Variants in DOCK2 observed in about 807,000 individuals in gnomAD.
DOCK2 encodes dedicator of cytokinesis protein 2.
A neutral mutation model predicts 248.9 loss-of-function variants in DOCK2; 87 were observed. That is an observed-to-expected ratio of 0.35 (90% CI 0.29 to 0.42). The LOEUF (loss-of-function observed/expected upper bound fraction) is 0.42, where lower values mean the gene tolerates loss of function less well. Ranked by LOEUF, DOCK2 falls within the 10% of genes least tolerant of loss-of-function variation. The pLI, the probability that DOCK2 is intolerant of heterozygous loss-of-function variation, is 1.00. For synonymous variants in DOCK2, 805 were observed against 821.6 expected (o/e 0.98, Z 0.35); for missense variants, 1,747 against 2,300.2 (o/e 0.76, Z 4.92).
At chr5:169,808,405 T>C (rs1402515377) in intron 26 of DOCK2, among the ~76,000 whole-genome samples, 1 of 152,076 alleles carries the variant, frequency 6.6e-6, no homozygotes, top group Non-Finnish European at 1.5e-5. Flanking sequence ...CCTTATTCTT[T>C]GAAACCCTGG....
intron 1 of DOCK2, among the ~76,000 whole-genome samples, chr5:169,639,619 G>T (rs939197002): frequency 2.0e-5 from 3 of 152,188 alleles, no homozygotes; most frequent in Admixed American, 6.5e-5. Context: ...CAAAAAGGAT[G>T]CAGGGAAAAA....
At chr5:169,855,160 TGTG>T (rs1770822255) in intron 27 of DOCK2, among the ~76,000 whole-genome samples, 1 of 152,066 alleles carries the variant, frequency 6.6e-6, no homozygotes, top group South Asian at 2.1e-4. Flanking sequence ...TAAACTACCT[TGTG>T]GTAATTTTTT....
intron 7 of DOCK2, 49 bp downstream of exon 7, chr5:169,681,928 C>T (rs200816839): frequency 6.7e-5 from 107 of 1,599,626 alleles, no homozygotes; most frequent in Non-Finnish European, 8.9e-5. Flanking sequence ...TCATTTAGCA[C>T]ATCATAAACT....
At chr5:169,734,395 G>A (rs1445914890) in intron 22 of DOCK2, among the ~76,000 whole-genome samples, 1 of 151,748 alleles carries the variant, frequency 6.6e-6, no homozygotes, top group Non-Finnish European at 1.5e-5. Context: ...CTCTGTTTTG[G>A]GTGACCCTGC....
chr5:169,849,413 T>C (rs1770500938), intron 27 of DOCK2, among the ~76,000 whole-genome samples: 1 of 152,186 alleles, frequency 6.6e-6, no homozygotes, highest in Non-Finnish European at 1.5e-5. Flanking sequence ...TGTACACTCC[T>C]AAGCGATGAA....
At chr5:169,949,226 T>C (rs949921217) in intron 27 of DOCK2, among the ~76,000 whole-genome samples, 7 of 152,230 alleles carry the variant, frequency 4.6e-5, no homozygotes, top group African/African-American at 1.7e-4. Flanking sequence ...GCACGACTAC[T>C]ATGTGCAGAA....
intron 14 of DOCK2, 109 bp from the exon 15 acceptor site, chr5:169,708,060 G>A (rs1761372334): frequency 1.1e-5 from 12 of 1,074,590 alleles, no homozygotes; most frequent in Admixed American, 2.1e-5. Flanking sequence ...AGGGAAGGCA[G>A]GGTTGGCCCA....
intron 22 of DOCK2, among the ~76,000 whole-genome samples, chr5:169,746,366 G>A (rs1051696763): frequency 6.6e-6 from 1 of 152,216 alleles, no homozygotes; most frequent in Non-Finnish European, 1.5e-5. Flanking sequence ...TGAGGGGGCT[G>A]TGACTGGCTG....
rs1309741197 is a variant in DOCK2 at position 169,788,298 on chromosome 5, G to A, written c.2555-14760G>A. On this transcript the variant is annotated intron_variant, in intron 25 of 51. Transcript: ENST00000520908. ...TACTTTTTCACATGAATAGAGAAACGGAAGTGCCATGGAGGGACAAGCACA... is the reference window on the plus strand; with the variant it reads ...TACTTTTTCACATGAATAGAGAAACAGAAGTGCCATGGAGGGACAAGCACA... Among the ~76,000 whole-genome samples, 6 of 152,048 alleles carry A rather than the reference G, an allele frequency of 3.9e-5. No homozygotes were observed. The South Asian group carries it at 8.3e-4, about 21-fold the overall frequency.
chr5:169,840,466 T>C (rs1222342178), intron 26 of DOCK2, among the ~76,000 whole-genome samples: 2 of 152,136 alleles, frequency 1.3e-5, no homozygotes, highest in South Asian at 2.1e-4. Context: ...TCAGAGCTAG[T>C]ATTCTAGCTC....
chr5:169,839,075 T>C (rs1350837652), intron 26 of DOCK2, among the ~76,000 whole-genome samples: 1 of 152,190 alleles, frequency 6.6e-6, no homozygotes, highest in Non-Finnish European at 1.5e-5. Context: ...TAAATGAGCA[T>C]GGGTGGTCAT....
chr5:169,864,310 G>GTTTTCCGCCTTAAGTCCTGC (rs1187028285), intron 27 of DOCK2: 1 of 1,551,578 alleles, frequency 6.4e-7, no homozygotes, highest in Non-Finnish European at 8.7e-7. Flanking sequence ...CACCTTCTTG[G>GTTTTCCGCCTTAAGTCCTGC]TTTTCCGCCT....
intron 26 of DOCK2, among the ~76,000 whole-genome samples, chr5:169,815,003 G>A (rs886619593): frequency 6.6e-6 from 1 of 152,162 alleles, no homozygotes. Flanking sequence ...CCAACATTTA[G>A]CATGCCATAA....
At chr5:169,993,053 G>A (rs914965080) in intron 29 of DOCK2, among the ~76,000 whole-genome samples, 6 of 152,236 alleles carry the variant, frequency 3.9e-5, no homozygotes, top group Non-Finnish European at 8.8e-5. Context: ...TGTTGGTGCT[G>A]AGAATGTGTG....
At chr5:169,934,481 A>G (rs1053821789) in intron 27 of DOCK2, among the ~76,000 whole-genome samples, 2 of 152,224 alleles carry the variant, frequency 1.3e-5, no homozygotes, top group Non-Finnish European at 2.9e-5. Flanking sequence ...TAAGAGGTGC[A>G]TGCACATATG....
intron 9 of DOCK2, 91 bp downstream of exon 9, chr5:169,689,424 G>A: frequency 7.4e-7 from 1 of 1,356,274 alleles, no homozygotes; most frequent in Non-Finnish European, 1.0e-6. Flanking sequence ...AGGGTGAAGT[G>A]TGGCTGTCCT....
Position 170,041,055 on chromosome 5 carries a change from G to T in DOCK2, c.3666G>T (p.Arg1222Ser), listed in dbSNP as rs763725648. 1 of 1,612,868 alleles carries T rather than the reference G, an allele frequency of 6.2e-7. No individual in the cohort carries two copies. ...KDNNREEMYIRYLYKLRDLHL... is the reference protein window; with the variant it reads ...KDNNREEMYISYLYKLRDLHL... ...TTACTGCATATTTTCCCTCAAACAG[G>T]TACCTGTACAAACTCCGCGATCTTC... Residue 1222 changes from arginine to serine, a missense_variant and splice_region_variant, in exon 37 of 52, where the codon AGG (arginine) becomes AGT (serine). Transcript: ENST00000520908.
At chr5:170,049,270 A>G (rs1561897884) in intron 40 of DOCK2, among the ~76,000 whole-genome samples, 2 of 152,102 alleles carry the variant, frequency 1.3e-5, no homozygotes, top group African/African-American at 4.8e-5. Flanking sequence ...ATGTGCCACC[A>G]CGCCCAGCTA....
At chr5:169,907,712 C>A (rs2113608039) in intron 27 of DOCK2, among the ~76,000 whole-genome samples, 1 of 152,264 alleles carries the variant, frequency 6.6e-6, no homozygotes, top group African/African-American at 2.4e-5. Flanking sequence ...GGAAATGAAC[C>A]AGGCCTGACT....
Sources: allele counts gnomAD v4.1 joint callset (sites outside exome capture counted in the v4.1 genomes callset), GRCh38; gene constraint gnomAD v4.1.1; transcripts MANE v1.5; gene names NCBI Gene and HGNC (gene_info 2026-07-23, HGNC 2026-07-21).